Variants in SFSWAP observed in about 807,000 individuals in gnomAD.
The protein encoded by SFSWAP is splicing factor, suppressor of white-apricot homolog.
A neutral mutation model predicts 100.7 loss-of-function variants in SFSWAP; 17 were observed. The observed-to-expected ratio is 0.17, with a 90% confidence interval of 0.12 to 0.25. The LOEUF is 0.25. Among genes scored for constraint, SFSWAP ranks in the 10% least tolerant of loss-of-function variants. The pLI, the probability that SFSWAP is intolerant of heterozygous loss-of-function variation, is 1.00. For missense variants in SFSWAP, 1,005 were observed against 1,262.6 expected, an observed-to-expected ratio of 0.80 and a Z score of 3.09; for synonymous variants, 504 against 510.1, an observed-to-expected ratio of 0.99 and a Z score of 0.16.
intron 11 of SFSWAP, among the ~76,000 whole-genome samples, chr12:131,759,107 G>C (rs551280217): frequency 6.6e-6 from 1 of 152,172 alleles, no homozygotes; most frequent in African/African-American, 2.4e-5. Context: ...AAGTACACAA[G>C]CTACAACTAG....
At chr12:131,769,298 CAAG>C (rs1883382650) in intron 13 of SFSWAP, among the ~76,000 whole-genome samples, 1 of 152,030 alleles carries the variant, frequency 6.6e-6, no homozygotes. Flanking sequence ...ATGCATGTAG[CAAG>C]GAGGGAAGGG....
chr12:131,787,957 C>T (rs1313676195), intron 15 of SFSWAP, among the ~76,000 whole-genome samples: 2 of 152,182 alleles, frequency 1.3e-5, no homozygotes, highest in African/African-American at 2.4e-5. Context: ...TTATAAATTA[C>T]ATTTTGTTCC....
chr12:131,783,177 T>C (rs1460788835), intron 14 of SFSWAP, among the ~76,000 whole-genome samples: 1 of 137,188 alleles, frequency 7.3e-6, no homozygotes, highest in African/African-American at 2.6e-5. Context: ...CAAGACTCCG[T>C]CTAAAAAAAA....
chr12:131,765,269 G>A lies in SFSWAP; in HGVS notation c.1951+583G>A, dbSNP rs181414899. ...TTAAAGCAGTCAAATAATGGTTGCT[G>A]CATTGTGGTTGTTATCTATTCTAAC... is the stretch of plus-strand genomic sequence containing the variant. On this transcript the variant is annotated intron_variant, in intron 12 of 17. Coordinates refer to ENST00000261674, the MANE Select transcript of SFSWAP (RefSeq NM_004592.4). Among the ~76,000 whole-genome samples the A allele has an allele frequency of 1.6e-3, 250 of 152,352 alleles. 3 individuals are homozygous for A. The highest frequency in any genetic ancestry group is 0.014 in the South Asian group (68 of 4,832).
intron 11 of SFSWAP, among the ~76,000 whole-genome samples, chr12:131,759,821 A>T (rs1181102458): frequency 6.6e-6 from 1 of 152,060 alleles, no homozygotes; most frequent in Non-Finnish European, 1.5e-5. Context: ...AAAAAGAAAA[A>T]AGAAAATAGT....
chr12:131,778,189 A>T lies in SFSWAP; in HGVS notation c.2267A>T (p.Lys756Met). Residue 756 changes from lysine (K) to methionine (M), a missense_variant, in exon 14 of 18, where the codon AAG becomes ATG. By Grantham distance (95) the Lys-to-Met change is moderately conservative. This residue lies in a region of SFSWAP where 295 missense variants were observed against 347.9 expected (regional missense o/e 0.85). Transcript: ENST00000261674. The surrounding 1 kb of genome is among the most constrained non-coding windows in gnomAD (Gnocchi z 4.2). ...CCACCGAGAGAAGAAGAGAAAGAAA[A>T]GAAAAAGAAAAAGCACAAAAAAAGA... ...KDPPREEEKE[K>M]KKKKHKKRSR... The T allele has an allele frequency of 6.2e-7, 1 of 1,613,996 alleles. No individual in the cohort carries two copies. The highest frequency in any genetic ancestry group is 1.1e-5 in the South Asian group (1 of 91,064).
At chr12:131,739,631 T>C (rs1357354572) in intron 7 of SFSWAP, among the ~76,000 whole-genome samples, 1 of 140,198 alleles carries the variant, frequency 7.1e-6, no homozygotes, top group Non-Finnish European at 1.5e-5. Context: ...CTGCAAGCTC[T>C]GCCTCCTGGG....
At chr12:131,779,314 GGTGCA>G (rs1884310320) in intron 14 of SFSWAP, among the ~76,000 whole-genome samples, 1 of 151,486 alleles carries the variant, frequency 6.6e-6, no homozygotes, top group Non-Finnish European at 1.5e-5. Flanking sequence ...GGGCGGCGCT[GGTGCA>G]GAATGTTTCC....
intron 7 of SFSWAP, among the ~76,000 whole-genome samples, chr12:131,735,912 A>G (rs997608290): frequency 1.3e-5 from 2 of 152,262 alleles, no homozygotes; most frequent in Non-Finnish European, 2.9e-5. Flanking sequence ...TGTTTGCATA[A>G]ATTTTCATCA....
intron 7 of SFSWAP, among the ~76,000 whole-genome samples, chr12:131,751,289 TGTTTG>T (rs997919515): frequency 6.6e-6 from 1 of 152,236 alleles, no homozygotes; most frequent in African/African-American, 2.4e-5. Context: ...CGTTTTGTTT[TGTTTG>T]TTTTTGTGAA....
At chr12:131,713,835 T>TA (rs541502992) in intron 1 of SFSWAP, 270 of 321,780 alleles carry the variant, frequency 8.4e-4, no homozygotes, top group African/African-American at 5.3e-3. Flanking sequence ...AATGTTATCT[T>TA]ACTGTGGAAA....
In SFSWAP at chr12:131,715,791, A is replaced by C. The variant is rs369685776; in HGVS notation, c.520+838A>C. Among the ~76,000 whole-genome samples, 113 of 152,378 alleles carry C rather than the reference A, an allele frequency of 7.4e-4. 3 individuals are homozygous for C. In the South Asian group the frequency reaches 0.022, roughly 30 times the overall value. ...GGAGATTTAATTGTAGAGCTAATTTAATCTGTTATTCTGAACTTCATCGGT... is the reference window on the plus strand; with the variant it reads ...GGAGATTTAATTGTAGAGCTAATTTCATCTGTTATTCTGAACTTCATCGGT... On this transcript the variant is annotated intron_variant, in intron 3 of 17. Transcript: ENST00000261674.
At chr12:131,798,921 G>A (rs1288756508) in intron 16 of SFSWAP, 116 bp from the exon 17 acceptor site, 16 of 719,750 alleles carry the variant, frequency 2.2e-5, no homozygotes, top group Non-Finnish European at 3.5e-5. Context: ...GGAAGCAGAT[G>A]CAGTGGGCAC....
intron 4 of SFSWAP, among the ~76,000 whole-genome samples, chr12:131,724,088 A>C (rs191374033): frequency 6.6e-6 from 1 of 152,248 alleles, no homozygotes; most frequent in African/African-American, 2.4e-5. Flanking sequence ...GTTGGTAGCC[A>C]ACCTTGAAAT....
At chr12:131,745,843 A>G (rs1881055207) in intron 7 of SFSWAP, among the ~76,000 whole-genome samples, 1 of 151,808 alleles carries the variant, frequency 6.6e-6, no homozygotes, top group Non-Finnish European at 1.5e-5. Context: ...TTATTCTGAC[A>G]TTGATCCAGC....
At chr12:131,762,968 C>G (rs1282532682) in intron 11 of SFSWAP, among the ~76,000 whole-genome samples, 3 of 152,276 alleles carry the variant, frequency 2.0e-5, no homozygotes, top group East Asian at 1.9e-4. Context: ...ACCACTCACG[C>G]CCCACACACG....
intron 11 of SFSWAP, among the ~76,000 whole-genome samples, chr12:131,761,764 GAT>G (rs1400939460): frequency 3.9e-5 from 6 of 152,200 alleles, no homozygotes; most frequent in Non-Finnish European, 7.3e-5. Flanking sequence ...AGCAATTCCT[GAT>G]TCCCTGTACT....
chr12:131,711,855 T>C lies in SFSWAP; in HGVS notation c.218+408T>C. Reference sequence around the variant, plus strand: ...TTTCTACTTGCCGCGCTCTCACTGCTCGGTGTACTGGGAGGGTACCCTGGG... The same window carrying C: ...TTTCTACTTGCCGCGCTCTCACTGCCCGGTGTACTGGGAGGGTACCCTGGG... On this transcript the variant is annotated intron_variant, in intron 1 of 17. Coordinates refer to ENST00000261674, the MANE Select transcript of SFSWAP (RefSeq NM_004592.4). This position sits in a 1 kb window ranked among gnomAD's most constrained non-coding sequence, Gnocchi z 4.9. 1 of 218,350 alleles carries C rather than the reference T, an allele frequency of 4.6e-6. No individual in the cohort carries two copies. Among genetic ancestry groups the C allele is most frequent in the Non-Finnish European group, 9.5e-6 (1 of 105,812 alleles). 13.5% of individuals were successfully genotyped at this position (218,350 alleles called of 1,614,324 possible).
chr12:131,752,977 C>A, intron 7 of SFSWAP, 146 bp from the exon 8 acceptor site: 1 of 1,243,792 alleles, frequency 8.0e-7, no homozygotes, highest in Non-Finnish European at 1.1e-6. Flanking sequence ...CTTTTTGTAT[C>A]AGAAAAATCT....
Sources: allele counts gnomAD v4.1 joint callset (sites outside exome capture counted in the v4.1 genomes callset), GRCh38; gene constraint gnomAD v4.1.1; regional missense constraint gnomAD v4.1.1; non-coding constraint Gnocchi (gnomAD v3.1); transcripts MANE v1.5; gene names NCBI Gene and HGNC (gene_info 2026-07-23, HGNC 2026-07-21).